SORCS1: variants seen among roughly 807,000 people sequenced by gnomAD.
SORCS1 encodes VPS10 domain-containing receptor SorCS1.
Under a neutral mutation model 146.1 loss-of-function variants are expected in SORCS1, and 60 were observed. The ratio of observed to expected loss-of-function variants is 0.41; its 90% CI spans 0.33 to 0.51. SORCS1 has a LOEUF of 0.51. Among genes scored for constraint, SORCS1 ranks in the 20% least tolerant of loss-of-function variants. SORCS1 has a pLI of 0.21. For synonymous variants in SORCS1, 637 were observed against 584.0 expected (o/e 1.09, Z -1.31); for missense variants, 1,352 against 1,487.6 (o/e 0.91, Z 1.50).
At chr10:106,698,656 A>C (rs189745378) in intron 9 of SORCS1, among the ~76,000 whole-genome samples, 50 of 152,292 alleles carry the variant, frequency 3.3e-4, no homozygotes, top group Non-Finnish European at 4.4e-5. Flanking sequence ...TTGATGTTGT[A>C]GTTGTTTATT....
chr10:106,588,318 G>T (rs1422647991), intron 24 of SORCS1, among the ~76,000 whole-genome samples: 1 of 152,152 alleles, frequency 6.6e-6, no homozygotes, highest in Non-Finnish European at 1.5e-5. Flanking sequence ...AATATTCCAA[G>T]AAATTAGATT....
chr10:106,747,327 C>A (rs1180946532), intron 5 of SORCS1, among the ~76,000 whole-genome samples: 1 of 152,240 alleles, frequency 6.6e-6, no homozygotes, highest in Non-Finnish European at 1.5e-5. Context: ...TCCTGACAGA[C>A]AGACCAAGTT....
Position 107,065,443 on chromosome 10 carries a change from CTT to C in SORCS1, c.558+98524_558+98525del, listed in dbSNP as rs1554937418. On this transcript the variant is annotated intron_variant, in intron 1 of 25. Coordinates refer to ENST00000263054, the MANE Select transcript of SORCS1 (RefSeq NM_052918.5). ...TCTTTCTTTCTTTCTTTCTTTCTTTCTTTCTTTTCTCTCTTTCTCTCTCCCTC... is the reference window on the plus strand; with the variant it reads ...TCTTTCTTTCTTTCTTTCTTTCTTTCTCTTTTCTCTCTTTCTCTCTCCCTC... Among the ~76,000 whole-genome samples, 99 of 142,874 alleles carry C rather than the reference CTT, an allele frequency of 6.9e-4. 2 individuals are homozygous for C. Among genetic ancestry groups the C allele is most frequent in the African/African-American group, 2.4e-3 (93 of 39,212 alleles). The allele number at this position is 142,874 out of a possible 152,430, so 93.7% of individuals were successfully genotyped here. A position where few individuals can be genotyped will look rare whatever the true frequency, so the allele number is the denominator to read the frequency against.
At chr10:107,077,950 T>C (rs1283559274) in intron 1 of SORCS1, among the ~76,000 whole-genome samples, 1 of 152,144 alleles carries the variant, frequency 6.6e-6, no homozygotes, top group Non-Finnish European at 1.5e-5. Flanking sequence ...TTTCACTGAT[T>C]TTGCAATTCC....
At chr10:106,943,664 G>A (rs1391969365) in intron 2 of SORCS1, among the ~76,000 whole-genome samples, 1 of 148,504 alleles carries the variant, frequency 6.7e-6, no homozygotes, top group Non-Finnish European at 1.5e-5. Flanking sequence ...AAAAAAAATA[G>A]CCGGGCATGG....
chr10:106,701,475 A>G (rs2135759783), intron 8 of SORCS1, among the ~76,000 whole-genome samples: 1 of 152,330 alleles, frequency 6.6e-6, no homozygotes, highest in East Asian at 1.9e-4. Context: ...GGGAGAGACA[A>G]AATTAGTATC....
intron 3 of SORCS1, among the ~76,000 whole-genome samples, chr10:106,800,153 AT>A (rs1398308131): frequency 6.6e-6 from 1 of 152,138 alleles, no homozygotes; most frequent in Non-Finnish European, 1.5e-5. Context: ...CTCATTTGTA[AT>A]TGACCTATAG....
chr10:106,862,557 T>C (rs1050381641), intron 2 of SORCS1, among the ~76,000 whole-genome samples: 3 of 151,986 alleles, frequency 2.0e-5, no homozygotes, highest in African/African-American at 4.8e-5. Context: ...CTGTTCTCCA[T>C]TTCACCCCCG....
intron 6 of SORCS1, among the ~76,000 whole-genome samples, chr10:106,728,224 G>T (rs957722324): frequency 2.6e-5 from 4 of 152,096 alleles, no homozygotes; most frequent in African/African-American, 9.7e-5. Context: ...TAGAGATGGG[G>T]TCTCACCATG....
chr10:106,672,545 C>A (rs1427355415), intron 15 of SORCS1, among the ~76,000 whole-genome samples: 5 of 152,184 alleles, frequency 3.3e-5, no homozygotes, highest in Non-Finnish European at 7.3e-5. Flanking sequence ...TCCCTGCCCC[C>A]ACCATGCAAC....
At chr10:107,045,664 T>C (rs963795092) in intron 1 of SORCS1, among the ~76,000 whole-genome samples, 4 of 152,100 alleles carry the variant, frequency 2.6e-5, no homozygotes, top group Admixed American at 6.6e-5. Flanking sequence ...GCCAATATTT[T>C]AATTTATTTT....
chr10:107,157,300 C>G (rs1723628750), intron 1 of SORCS1, among the ~76,000 whole-genome samples: 1 of 152,190 alleles, frequency 6.6e-6, no homozygotes, highest in South Asian at 2.1e-4. Context: ...CTAACTCTTG[C>G]CTGTGGCAAG....
chr10:106,865,896 G>T (rs1950206658), intron 2 of SORCS1, among the ~76,000 whole-genome samples: 1 of 151,696 alleles, frequency 6.6e-6, no homozygotes, highest in African/African-American at 2.4e-5. Context: ...GGCCAGGCGT[G>T]GTGGCATGCA....
intron 9 of SORCS1, among the ~76,000 whole-genome samples, chr10:106,690,762 T>C (rs1853236737): frequency 6.6e-6 from 1 of 152,156 alleles, no homozygotes; most frequent in South Asian, 2.1e-4. Flanking sequence ...TATTTTGTTG[T>C]TTTCTTTTGT....
At chr10:106,648,100 G>A (rs1589561212) in intron 18 of SORCS1, among the ~76,000 whole-genome samples, 1 of 152,090 alleles carries the variant, frequency 6.6e-6, no homozygotes, top group Non-Finnish European at 1.5e-5. Context: ...GGACTCAAAT[G>A]ATCCTCCCAC....
intron 1 of SORCS1, among the ~76,000 whole-genome samples, chr10:107,017,852 G>C (rs1307711988): frequency 6.6e-6 from 1 of 151,982 alleles, no homozygotes; most frequent in East Asian, 1.9e-4. Flanking sequence ...TTTTAGTAGA[G>C]ATGGTGTTTC....
intron 2 of SORCS1, among the ~76,000 whole-genome samples, chr10:106,844,614 G>A (rs1239635016): frequency 1.3e-5 from 2 of 148,166 alleles, no homozygotes; most frequent in Non-Finnish European, 3.0e-5. Context: ...AAGTTTTAGG[G>A]TACATGTGCA....
chr10:106,756,047 T>C (rs183303290), intron 5 of SORCS1, among the ~76,000 whole-genome samples: 195 of 152,134 alleles, frequency 1.3e-3, no homozygotes, highest in Admixed American at 2.4e-3. Flanking sequence ...GAGAATCTCT[T>C]GAACCCGGGA....
the SORCS1 span, among the ~76,000 whole-genome samples, chr10:107,171,306 C>T: frequency 6.6e-6 from 1 of 152,140 alleles, no homozygotes; most frequent in African/African-American, 2.4e-5. Context: ...ACTCTGGAAG[C>T]AAATTGAAAG....
Sources: gnomAD v4.1 joint callset for allele counts (sites outside exome capture counted in the v4.1 genomes callset) on GRCh38, gnomAD v4.1.1 for gene constraint, MANE v1.5 for transcripts, NCBI Gene and HGNC (gene_info 2026-07-23, HGNC 2026-07-21) for gene names.